The following OXR1 variants were observed in gnomAD, a reference collection of about 807,000 sequenced individuals.
The protein encoded by OXR1 is oxidation resistance protein 1.
A neutral mutation model predicts 104.6 loss-of-function variants in OXR1; 41 were observed. The observed-to-expected ratio is 0.39, with a 90% CI of 0.31 to 0.51. OXR1 has a LOEUF of 0.51. OXR1 is among the 20% of genes least tolerant of loss of function. OXR1 has a pLI of 0.77. For missense variants in OXR1, 955 were observed against 1,031.9 expected (o/e 0.93, Z 1.02); for synonymous variants, 348 against 348.4 (o/e 1.00, Z 0.01).
intron 3 of OXR1, among the ~76,000 whole-genome samples, chr8:106,623,621 T>G (rs1281006101): frequency 6.6e-6 from 1 of 151,990 alleles, no homozygotes; most frequent in Admixed American, 6.6e-5. Context: ...GGCAGGTGAA[T>G]AGTAGTGGTG....
At chr8:106,525,355 A>G (rs1813579277) in intron 3 of OXR1, among the ~76,000 whole-genome samples, 1 of 152,146 alleles carries the variant, frequency 6.6e-6, no homozygotes, top group African/African-American at 2.4e-5. Flanking sequence ...AGCTTCCCCA[A>G]ATAGCCTAGA....
At chr8:106,500,704 A>G (rs1015563591) in intron 2 of OXR1, among the ~76,000 whole-genome samples, 5 of 152,192 alleles carry the variant, frequency 3.3e-5, no homozygotes, top group Admixed American at 2.0e-4. Flanking sequence ...TTTTCCCTGT[A>G]TATTTAAAAT....
chr8:106,697,525 G>A lies in OXR1; in HGVS notation c.675+4648G>A, dbSNP rs1390292710. On this transcript the variant is annotated intron_variant, in intron 7 of 16. Transcript: ENST00000517566. ...CTTGCCCTCTTGCAGCTGGTTATCC[G>A]AGAAGTTCCGAGGATTCTCCTTGGA... 15 of 1,610,788 alleles carry A rather than the reference G, an allele frequency of 9.3e-6. No individual in the cohort carries two copies. The African/African-American group carries it at 9.4e-5, about 10-fold the overall frequency.
chr8:106,494,768 G>C (rs1327392886), intron 2 of OXR1, among the ~76,000 whole-genome samples: 1 of 152,202 alleles, frequency 6.6e-6, no homozygotes, highest in East Asian at 1.9e-4. Flanking sequence ...TTAGATGACA[G>C]CAGAGCTGCT....
At chr8:106,711,131 C>A (rs1179953083) in intron 10 of OXR1, among the ~76,000 whole-genome samples, 1 of 152,022 alleles carries the variant, frequency 6.6e-6, no homozygotes, top group Non-Finnish European at 1.5e-5. Flanking sequence ...ATTAAAAATT[C>A]TTCAAATATT....
At chr8:106,361,441 C>T (rs1816240628) in intron 2 of OXR1, among the ~76,000 whole-genome samples, 2 of 152,146 alleles carry the variant, frequency 1.3e-5, no homozygotes, top group Admixed American at 1.3e-4. Context: ...ACCAGTGTCA[C>T]CCCCACCATG....
At chr8:106,551,428 G>T (rs931423176) in intron 3 of OXR1, among the ~76,000 whole-genome samples, 6 of 151,970 alleles carry the variant, frequency 3.9e-5, no homozygotes, top group African/African-American at 1.2e-4. Context: ...CTTTTAATTA[G>T]CTATTTACTT....
At chr8:106,705,932 A>G in intron 8 of OXR1, among the ~76,000 whole-genome samples, 1 of 147,984 alleles carries the variant, frequency 6.8e-6, no homozygotes, top group East Asian at 2.2e-4. Flanking sequence ...GTAAATAAGC[A>G]CTGTGTGTGT....
chr8:106,378,943 GCTT>G (rs1417906199), intron 2 of OXR1, among the ~76,000 whole-genome samples: 2 of 152,150 alleles, frequency 1.3e-5, no homozygotes, highest in African/African-American at 4.8e-5. Context: ...ATCAAGCAAT[GCTT>G]CTACTATTGC....
chr8:106,401,113 G>A (rs575439827), intron 2 of OXR1, among the ~76,000 whole-genome samples: 4 of 151,934 alleles, frequency 2.6e-5, no homozygotes, highest in African/African-American at 4.8e-5. Flanking sequence ...TAGACCATCC[G>A]GCTGTATCAT....
At chr8:106,718,159 GTTTAAC>G (rs1196952552) in intron 11 of OXR1, among the ~76,000 whole-genome samples, 4 of 152,082 alleles carry the variant, frequency 2.6e-5, no homozygotes, top group African/African-American at 9.7e-5. Flanking sequence ...TACTTCAACT[GTTTAAC>G]TTTATGAACT....
At chr8:106,720,741 G>T (rs1411048028) in intron 11 of OXR1, 3 of 955,956 alleles carry the variant, frequency 3.1e-6, no homozygotes, top group South Asian at 9.7e-5. Flanking sequence ...AACATACCAG[G>T]CTGTAAGTCA....
intron 11 of OXR1, among the ~76,000 whole-genome samples, chr8:106,722,590 T>A (rs1406222658): frequency 6.6e-6 from 1 of 152,150 alleles, no homozygotes; most frequent in African/African-American, 2.4e-5. Context: ...TATGTTTAGA[T>A]ATATTTTGAT....
chr8:106,466,512 T>A (rs1821178404), intron 2 of OXR1, among the ~76,000 whole-genome samples: 1 of 151,938 alleles, frequency 6.6e-6, no homozygotes, highest in South Asian at 2.1e-4. Flanking sequence ...TCTTTGGATT[T>A]TTTTGCTCTC....
At chr8:106,525,112 C>T (rs953097526) in intron 3 of OXR1, among the ~76,000 whole-genome samples, 1 of 152,126 alleles carries the variant, frequency 6.6e-6, no homozygotes, top group African/African-American at 2.4e-5. Context: ...CTATGGAGGG[C>T]AGAGAGGATA....
intron 1 of OXR1, among the ~76,000 whole-genome samples, chr8:106,287,623 C>A (rs1408321181): frequency 6.7e-6 from 1 of 150,064 alleles, no homozygotes; most frequent in Non-Finnish European, 1.5e-5. Context: ...ATTTCTCCTT[C>A]CCAGGTAATT....
At chr8:106,475,141 A>G (rs1418347783) in intron 2 of OXR1, among the ~76,000 whole-genome samples, 3 of 151,940 alleles carry the variant, frequency 2.0e-5, no homozygotes, top group African/African-American at 4.8e-5. Flanking sequence ...AATCTCCCAC[A>G]CAGTCAAAAT....
chr8:106,483,857 A>G (rs1822284726), intron 2 of OXR1, among the ~76,000 whole-genome samples: 1 of 152,062 alleles, frequency 6.6e-6, no homozygotes, highest in Non-Finnish European at 1.5e-5. Context: ...AAACCTTCTC[A>G]TTCAAAATGA....
intron 9 of OXR1, among the ~76,000 whole-genome samples, chr8:106,708,276 G>C (rs1174674156): frequency 6.6e-6 from 1 of 152,068 alleles, no homozygotes; most frequent in Admixed American, 6.6e-5. Flanking sequence ...GTGCACACCT[G>C]TAGGCCCAAC....
Sources: gnomAD v4.1 joint callset for allele counts (sites outside exome capture counted in the v4.1 genomes callset) on GRCh38, gnomAD v4.1.1 for gene constraint, MANE v1.5 for transcripts, NCBI Gene and HGNC (gene_info 2026-07-23, HGNC 2026-07-21) for gene names.